TTC3: variants seen among roughly 807,000 people sequenced by gnomAD.
The protein encoded by TTC3 is tetratricopeptide repeat domain 3.
A neutral mutation model predicts 249.6 loss-of-function variants in TTC3; 180 were observed. The ratio of observed to expected loss-of-function variants is 0.72; its 90% CI spans 0.64 to 0.82. The LOEUF (loss-of-function observed/expected upper bound fraction) is 0.82. Ranked by LOEUF, TTC3 falls within the 40% of genes least tolerant of loss-of-function variation. TTC3 has a pLI of 0.00. For missense variants in TTC3, 2,061 were observed against 2,398.4 expected, an observed-to-expected ratio of 0.86 and a Z score of 2.94; for synonymous variants, 717 against 805.0, an observed-to-expected ratio of 0.89 and a Z score of 1.85.
intron 18 of TTC3, among the ~76,000 whole-genome samples, chr21:37,136,547 T>C (rs1232166158): frequency 6.6e-6 from 1 of 152,228 alleles, no homozygotes. Flanking sequence ...ACTCTTCTAT[T>C]CTGTGAAGGC....
At chr21:37,139,477 A>G (rs1335908166) in intron 19 of TTC3, among the ~76,000 whole-genome samples, 1 of 152,160 alleles carries the variant, frequency 6.6e-6, no homozygotes. Context: ...CAAGTATAAT[A>G]TATAATTTGG....
intron 1 of TTC3, among the ~76,000 whole-genome samples, chr21:37,077,643 T>C (rs73407936): frequency 0.02 from 3,113 of 152,336 alleles, 102 homozygotes; most frequent in African/African-American, 0.071. Flanking sequence ...GGGTATGAAA[T>C]GATGCATCAT....
intron 41 of TTC3, chr21:37,195,100 A>G (rs942789329): frequency 6.6e-6 from 1 of 152,358 alleles, no homozygotes; most frequent in African/African-American, 2.4e-5. Context: ...CAAAACACTG[A>G]CTTTGAGTTG....
intron 10 of TTC3, 76 bp from the exon 11 acceptor site, chr21:37,108,316 A>C (rs540394780): frequency 1.6e-6 from 2 of 1,220,574 alleles, no homozygotes; most frequent in Non-Finnish European, 2.3e-6. Flanking sequence ...GAAAATTCAC[A>C]AAGTACACAT....
intron 45 of TTC3, 106 bp from the exon 46 acceptor site, chr21:37,201,334 A>G (rs917774894): frequency 1.2e-5 from 17 of 1,428,040 alleles, no homozygotes; most frequent in Non-Finnish European, 1.7e-5. Context: ...GGCCCAAGAG[A>G]CCAAGGGCAA....
exon 43 of TTC3, chr21:37,197,583 G>C: frequency 1.2e-6 from 2 of 1,611,650 alleles, no homozygotes; most frequent in Non-Finnish European, 1.7e-6. Context: ...TGAGCTTGCT[G>C]GTTTTATTAA....
rs139841428 is a variant in TTC3, at chr21:37,166,115, G to C, written c.3901G>C (p.Glu1301Gln). Reference sequence around the variant, plus strand: ...CTGTAATTCCCCCAAACCGGTTCTTGAGGATGTGAAACCAACTTATTGGGC... The same window carrying C: ...CTGTAATTCCCCCAAACCGGTTCTTCAGGATGTGAAACCAACTTATTGGGC... Residue 1301 changes from glutamate to glutamine, a missense_variant, in exon 33 of 46, where the codon GAG becomes CAG. Physicochemically the swap from Glu to Gln is conservative, Grantham distance 29 (BLOSUM62 2). Coordinates refer to ENST00000355666, the Ensembl canonical transcript of TTC3. 9.5e-5 allele frequency: 154 copies of C among 1,614,054 alleles called. 3 individuals carry two copies. The highest frequency in any genetic ancestry group is 4.9e-4 in the Middle Eastern group (3 of 6,084).
chr21:37,114,853 T>A (rs1270699235), intron 11 of TTC3, among the ~76,000 whole-genome samples: 3 of 152,020 alleles, frequency 2.0e-5, no homozygotes, highest in Non-Finnish European at 4.4e-5. Context: ...TAAGCAGCCA[T>A]AAAAAATGAT....
chr21:37,154,869 G>A (rs1209676797), intron 27 of TTC3, among the ~76,000 whole-genome samples: 1 of 152,106 alleles, frequency 6.6e-6, no homozygotes, highest in Non-Finnish European at 1.5e-5. Context: ...CTAATGTTTT[G>A]TATTTTTAGT....
intron 34 of TTC3, among the ~76,000 whole-genome samples, chr21:37,170,829 C>T (rs535312198): frequency 9.8e-4 from 149 of 152,242 alleles, no homozygotes; most frequent in Admixed American, 2.5e-3. Context: ...AATTGAAAAT[C>T]ATCTACCTTC....
chr21:37,151,369 T>C (rs1364902729), intron 25 of TTC3, among the ~76,000 whole-genome samples: 1 of 152,186 alleles, frequency 6.6e-6, no homozygotes, highest in Non-Finnish European at 1.5e-5. Flanking sequence ...TTCTTTTTTC[T>C]TTTCTTTTTG....
At chr21:37,090,433 A>G (rs1175750111) in intron 6 of TTC3, 147 bp downstream of exon 6, 2 of 940,386 alleles carry the variant, frequency 2.1e-6, no homozygotes, top group Non-Finnish European at 2.9e-6. Context: ...CCTTAAGGAG[A>G]CTCCTCATTT....
chr21:37,096,813 C>T, intron 10 of TTC3, 170 bp downstream of exon 10: 1 of 540,354 alleles, frequency 1.9e-6, no homozygotes, highest in Non-Finnish European at 3.3e-6. Context: ...ACAACAGTGA[C>T]AGCAGCAGCT....
intron 38 of TTC3, 125 bp from the exon 39 acceptor site, chr21:37,188,370 A>G (rs929933021): frequency 2.0e-5 from 13 of 643,104 alleles, no homozygotes; most frequent in African/African-American, 5.5e-5. Context: ...TCAAGTTCTG[A>G]TGATTCTGTC....
intron 7 of TTC3, chr21:37,093,350 G>T (rs2073529357): frequency 7.9e-6 from 1 of 126,490 alleles, no homozygotes; most frequent in East Asian, 2.5e-4. Flanking sequence ...TTGCACTCCA[G>T]TCTGGGCAAC....
intron 32 of TTC3, 112 bp downstream of exon 32, chr21:37,164,327 A>C: frequency 9.2e-7 from 1 of 1,089,688 alleles, no homozygotes; most frequent in Non-Finnish European, 1.3e-6. Context: ...ATTTTACACA[A>C]AGTTAATTTA....
chr21:37,088,807 G>T (rs201611078), exon 5 of TTC3: 2 of 1,611,944 alleles, frequency 1.2e-6, no homozygotes, highest in Non-Finnish European at 1.7e-6. Context: ...AGCAATTCAC[G>T]TGCTTCTGAG....
chr21:37,087,138 T>G, intron 1 of TTC3, 109 bp from the exon 2 acceptor site: 3 of 1,245,704 alleles, frequency 2.4e-6, no homozygotes, highest in Non-Finnish European at 3.4e-6. Context: ...GTTATTTCCT[T>G]GGGCATAGGT....
intron 21 of TTC3, among the ~76,000 whole-genome samples, chr21:37,145,020 AC>A (rs1405318789): frequency 1.3e-5 from 2 of 152,160 alleles, no homozygotes; most frequent in African/African-American, 4.8e-5. Flanking sequence ...ATGATCATGC[AC>A]TCTGCTGGAC....
Sources: gnomAD v4.1 joint callset for allele counts (sites outside exome capture counted in the v4.1 genomes callset) on GRCh38, gnomAD v4.1.1 for gene constraint, MANE v1.5 for transcripts, NCBI Gene and HGNC (gene_info 2026-07-23, HGNC 2026-07-21) for gene names.